STK11IP: variants seen among roughly 807,000 people sequenced by gnomAD.
STK11IP encodes the protein serine/threonine kinase 11 interacting protein.
Under a neutral mutation model 131.7 loss-of-function variants are expected in STK11IP, and 103 were observed. The observed-to-expected ratio is 0.78, with a 90% CI of 0.67 to 0.92. The LOEUF is 0.92. Ranked by LOEUF, STK11IP falls within the 40% of genes least tolerant of loss-of-function variation. The pLI, the probability that STK11IP is intolerant of heterozygous loss-of-function variation, is 0.00. For missense variants in STK11IP, 1,315 were observed against 1,385.7 expected (o/e 0.95, Z 0.81); for synonymous variants, 557 against 575.6 (o/e 0.97, Z 0.46).
intron 7 of STK11IP, 47 bp from the exon 8 acceptor site, chr2:219,605,561 G>A (rs1178798828): frequency 6.5e-7 from 1 of 1,548,690 alleles, no homozygotes; most frequent in Admixed American, 2.0e-5. Flanking sequence ...ACCCTGGCTA[G>A]AGTTTGGTCA....
chr2:219,602,444 T>A (rs763372027), intron 5 of STK11IP, 24 bp from the exon 6 acceptor site: 13 of 1,575,680 alleles, frequency 8.3e-6, no homozygotes, highest in African/African-American at 1.4e-5. Context: ...GGTGGGGTAA[T>A]GAAGCACCCA....
chr2:219,616,285 G>A lies in STK11IP; in HGVS notation c.*92G>A. ...TGGGTCTGGCTTCCAGGCTCTGGCT[G>A]TGGATGTCTTCAGCCTCTGGGTGCT... On this transcript the variant is annotated 3_prime_UTR_variant, in exon 25 of 25. Transcript: ENST00000456909. 1 of 1,475,328 alleles carries A rather than the reference G, an allele frequency of 6.8e-7. No homozygotes were observed. Among genetic ancestry groups the A allele is most frequent in the South Asian group, 1.4e-5 (1 of 73,508 alleles). 91.4% of individuals were successfully genotyped at this position (1,475,328 alleles called of 1,614,324 possible).
rs751524330 is a variant in STK11IP, at chr2:219,608,069, G to A, written c.1242G>A (p.Pro414=). 1.4e-5 allele frequency: 22 copies of A among 1,612,008 alleles called. No individual in the cohort carries two copies. Among genetic ancestry groups the A allele is most frequent in the Non-Finnish European group, 1.7e-5 (20 of 1,179,804 alleles). ...TAGGATGGTTCGTGCAGCAGCACCCGGAGCTGGAGCTCATGAGCAGCTTCC... is the reference window on the plus strand; with the variant it reads ...TAGGATGGTTCGTGCAGCAGCACCCAGAGCTGGAGCTCATGAGCAGCTTCC... ...SPAGWFVQQH[P]ELELMSSFRE... Residue 414 remains proline (P), a synonymous_variant, in exon 14 of 25, where the codon CCG becomes CCA. Coordinates refer to ENST00000456909, the MANE Select transcript of STK11IP (RefSeq NM_052902.4).
At chr2:219,605,496 T>C (rs967870362) in intron 7 of STK11IP, 112 bp from the exon 8 acceptor site, 4 of 969,898 alleles carry the variant, frequency 4.1e-6, no homozygotes, top group Admixed American at 4.6e-5. Context: ...GTGCTGAGTG[T>C]GTGCAGTTTT....
chr2:219,598,591 CA>C (rs1273466169), intron 2 of STK11IP: 9 of 165,244 alleles, frequency 5.4e-5, no homozygotes. Context: ...TCAAACTTGC[CA>C]TACTGTTTCC....
In STK11IP at chr2:219,598,403, C is replaced by G. The variant is rs1697870747; in HGVS notation, c.61+223C>G. On this transcript the variant is annotated intron_variant, in intron 2 of 24. Coordinates refer to ENST00000456909, the MANE Select transcript of STK11IP (RefSeq NM_052902.4). ...TTTGAGGCCAAAGGGCGGTATCCCT[C>G]CCTCCGTGCCTTCTCTGACACTGTC... 4 of 472,166 alleles carry G rather than the reference C, an allele frequency of 8.5e-6. No individual in the cohort carries two copies. The South Asian group carries it at 1.1e-4, about 13-fold the overall frequency. The allele number at this position is 472,166 out of a possible 1,614,324, so 29.2% of individuals were successfully genotyped here. A position where few individuals can be genotyped will look rare whatever the true frequency, so the allele number is the denominator to read the frequency against.
chr2:219,602,896 T>A, intron 7 of STK11IP, 120 bp downstream of exon 7: 1 of 945,092 alleles, frequency 1.1e-6, no homozygotes, highest in Non-Finnish European at 1.6e-6. Flanking sequence ...GGAGCTGCAT[T>A]CTGGGAGATA....
intron 17 of STK11IP, among the ~76,000 whole-genome samples, chr2:219,610,458 A>G (rs924117566): frequency 5.3e-5 from 8 of 151,216 alleles, no homozygotes; most frequent in Admixed American, 3.3e-4. Context: ...GCTGGAGTGC[A>G]GTGGCACAAC....
chr2:219,614,897 T>C, intron 23 of STK11IP, 197 bp from the exon 24 acceptor site: 1 of 664,838 alleles, frequency 1.5e-6, no homozygotes, highest in Non-Finnish European at 2.5e-6. Context: ...TGGGGGGCGG[T>C]AGGCCTCAGA....
rs374800774 is a variant in STK11IP at position 219,606,405 on chromosome 2, T to C, written c.946-71T>C. 52 of 1,565,920 alleles carry C rather than the reference T, an allele frequency of 3.3e-5. No individual in the cohort carries two copies. In the African/African-American group the frequency reaches 5.7e-4, roughly 17 times the overall value. The stretch of plus-strand genomic sequence containing the variant: ...CCAAGGACCTGGACCCTGCTTACTG[T>C]GTTCTTAATACCTGGAGCTCAGCAG... On this transcript the variant is annotated intron_variant, in intron 10 of 24. Coordinates refer to ENST00000456909, the MANE Select transcript of STK11IP (RefSeq NM_052902.4).
intron 15 of STK11IP, 32 bp downstream of exon 15, chr2:219,608,820 G>A (rs1187770916): frequency 1.1e-5 from 17 of 1,554,312 alleles, no homozygotes; most frequent in Non-Finnish European, 1.5e-5. Flanking sequence ...CTCTGGAGGA[G>A]CCAGTTATGG....
chr2:219,603,764 C>A (rs1193867628), intron 7 of STK11IP, among the ~76,000 whole-genome samples: 1 of 152,110 alleles, frequency 6.6e-6, no homozygotes, highest in African/African-American at 2.4e-5. Flanking sequence ...TCATGATCCG[C>A]CCACCTCAGC....
chr2:219,609,230 T>C lies in STK11IP; in HGVS notation c.1926+17T>C, dbSNP rs567647464. On this transcript the variant is annotated intron_variant, in intron 16 of 24. Transcript: ENST00000456909. ...GCTGTCCAGGTGATGGCGCCCAGAGTGGGGGCCCAGGAGGCTGTGGGGATT... is the reference window on the plus strand; with the variant it reads ...GCTGTCCAGGTGATGGCGCCCAGAGCGGGGGCCCAGGAGGCTGTGGGGATT... 1 of 1,585,178 alleles carries C rather than the reference T, an allele frequency of 6.3e-7. No individual in the cohort carries two copies. Among genetic ancestry groups the C allele is most frequent in the East Asian group, 2.3e-5 (1 of 43,396 alleles).
At chr2:219,605,874 G>T in intron 8 of STK11IP, 82 bp from the exon 9 acceptor site, 1 of 1,480,934 alleles carries the variant, frequency 6.8e-7, no homozygotes, top group Non-Finnish European at 9.2e-7. Flanking sequence ...TCTTTCTGCT[G>T]CAACCTCCCC....
At position 219,598,145 on chromosome 2, in the gene STK11IP, T is replaced by C. The variant is rs751528648; in HGVS notation, c.26T>C (p.Leu9Pro). The C allele has an allele frequency of 8.8e-6, 14 of 1,585,576 alleles. No individual in the cohort carries two copies. The highest frequency in any genetic ancestry group is 2.3e-5 in the South Asian group (2 of 86,992). Residue 9 changes from leucine (L) to proline (P), a missense_variant, in exon 2 of 25, where the codon CTG becomes CCG. Physicochemically the swap from Leu to Pro is moderately conservative, Grantham distance 98. Transcript: ENST00000456909. Reference protein sequence around the residue: MTTAQRDSLLWKLAGLLRE... With the variant: MTTAQRDSPLWKLAGLLRE... ...ATGACGACCGCTCAGAGGGACTCCC[T>C]GTTGTGGAAGCTCGCGGGGTTGCTG...
At chr2:219,610,532 A>G (rs1298014765) in intron 17 of STK11IP, among the ~76,000 whole-genome samples, 1 of 151,940 alleles carries the variant, frequency 6.6e-6, no homozygotes, top group African/African-American at 2.4e-5. Context: ...CCTCGCAAGT[A>G]GCTGGGACTA....
At position 219,611,585 on chromosome 2, in the gene STK11IP, G is replaced by C. The variant is rs758034718; in HGVS notation, c.2105-19G>C. 1.9e-6 allele frequency: 3 copies of C among 1,593,670 alleles called. No homozygotes were observed. Among genetic ancestry groups the C allele is most frequent in the Non-Finnish European group, 1.7e-6 (2 of 1,162,800 alleles). ...ACTGTGGGGGGGGCTCATGGGGACCGTGTCCATCCTCCCTCCAGAATCTCC... is the reference window on the plus strand; with the variant it reads ...ACTGTGGGGGGGGCTCATGGGGACCCTGTCCATCCTCCCTCCAGAATCTCC... On this transcript the variant is annotated intron_variant, in intron 17 of 24. Coordinates refer to ENST00000456909, the MANE Select transcript of STK11IP (RefSeq NM_052902.4).
Position 219,608,075 on chromosome 2 carries a change from G to A in STK11IP, c.1248G>A (p.Leu416=), listed in dbSNP as rs370805262. The change falls in exon 14 of 25, where the codon CTG becomes CTA. Residue 416 remains leucine (L), a synonymous_variant. Coordinates refer to ENST00000456909, the MANE Select transcript of STK11IP (RefSeq NM_052902.4). The part of the protein sequence containing the change: ...AGWFVQQHPE[L]ELMSSFRERF... ...GGTTCGTGCAGCAGCACCCGGAGCTGGAGCTCATGAGCAGCTTCCGGGAAC... is the reference window on the plus strand; with the variant it reads ...GGTTCGTGCAGCAGCACCCGGAGCTAGAGCTCATGAGCAGCTTCCGGGAAC... 1.9e-6 allele frequency: 3 copies of A among 1,612,238 alleles called. No homozygotes were observed. Among genetic ancestry groups the A allele is most frequent in the Non-Finnish European group, 2.5e-6 (3 of 1,179,838 alleles).
intron 13 of STK11IP, 124 bp from the exon 14 acceptor site, chr2:219,607,923 C>A: frequency 7.5e-7 from 1 of 1,327,886 alleles, no homozygotes; most frequent in Non-Finnish European, 1.0e-6. Flanking sequence ...ACGCCTGTAG[C>A]CTCCCTTGCC....
Sources: allele counts gnomAD v4.1 joint callset (sites outside exome capture counted in the v4.1 genomes callset), GRCh38; gene constraint gnomAD v4.1.1; transcripts MANE v1.5; gene names NCBI Gene and HGNC (gene_info 2026-07-23, HGNC 2026-07-21).